The following DPP6 variants were observed in gnomAD, a reference collection of about 807,000 sequenced individuals.
The protein encoded by DPP6 is dipeptidyl peptidase like 6, also known as A-type potassium channel modulatory protein DPP6.
A neutral mutation model predicts 122.6 loss-of-function variants in DPP6; 69 were observed. That is an observed-to-expected ratio of 0.56 (90% CI 0.46 to 0.69). DPP6 has a LOEUF of 0.69. Ranked by LOEUF, DPP6 falls within the 30% of genes least tolerant of loss-of-function variation. The pLI is 0.00. For synonymous variants in DPP6, 418 were observed against 433.1 expected (o/e 0.97, Z 0.43); for missense variants, 928 against 1,116.9 (o/e 0.83, Z 2.41).
At chr7:153,845,730 G>A in the DPP6 span, among the ~76,000 whole-genome samples, 1 of 151,854 alleles carries the variant, frequency 6.6e-6, no homozygotes, top group African/African-American at 2.4e-5. Flanking sequence ...TTCTATTTCT[G>A]TTCTCTTGTG....
chr7:154,624,054 G>T lies in DPP6; in HGVS notation c.628-13767G>T, dbSNP rs1342138767. Among the ~76,000 whole-genome samples, 1 of 152,164 alleles carries T rather than the reference G, an allele frequency of 6.6e-6. No individual in the cohort carries two copies. Among genetic ancestry groups the T allele is most frequent in the Non-Finnish European group, 1.5e-5 (1 of 68,032 alleles). ...ACTAAAAATACAAAAATTAGGCCGG[G>T]TGTAGTGGCTCACGCCAGTAATCCC... is the stretch of plus-strand genomic sequence containing the variant. On this transcript the variant is annotated intron_variant, in intron 5 of 25. Coordinates refer to ENST00000377770, the MANE Select transcript of DPP6 (RefSeq NM_130797.4). This position sits in a 1 kb window ranked among gnomAD's most constrained non-coding sequence, Gnocchi z 4.7.
At chr7:154,883,981 CAT>C (rs1805790168) in intron 21 of DPP6, 1 of 141,684 alleles carries the variant, frequency 7.1e-6, no homozygotes, top group Non-Finnish European at 1.6e-5. Context: ...ATTACATACA[CAT>C]GCTCACACAT....
chr7:154,853,111 CT>C (rs1471828227), intron 16 of DPP6, among the ~76,000 whole-genome samples: 2 of 152,184 alleles, frequency 1.3e-5, no homozygotes, highest in African/African-American at 2.4e-5. Context: ...TTCAGGGAGA[CT>C]TTTTTTCTTT....
chr7:153,817,055 T>C, the DPP6 span, among the ~76,000 whole-genome samples: 1 of 149,808 alleles, frequency 6.7e-6, no homozygotes, highest in African/African-American at 2.5e-5. Context: ...TAGCTTCCAC[T>C]GCTCACCAGG....
intron 1 of DPP6, chr7:154,095,247 G>C (rs928817368): frequency 6.8e-6 from 1 of 148,142 alleles, no homozygotes; most frequent in African/African-American, 2.5e-5. Flanking sequence ...TTAGGAACAG[G>C]GCACCTGCCT....
At chr7:154,103,232 T>C (rs1805882611) in intron 1 of DPP6, among the ~76,000 whole-genome samples, 1 of 152,160 alleles carries the variant, frequency 6.6e-6, no homozygotes, top group South Asian at 2.1e-4. Context: ...CTCTTCCTTC[T>C]GTCCTGTTCC....
the DPP6 span, among the ~76,000 whole-genome samples, chr7:153,755,250 G>A: frequency 6.9e-6 from 1 of 145,826 alleles, no homozygotes; most frequent in East Asian, 2.0e-4. Flanking sequence ...CATGACTCAG[G>A]GGACAACTAG....
chr7:153,876,050 T>C, the DPP6 span, among the ~76,000 whole-genome samples: 1 of 152,086 alleles, frequency 6.6e-6, no homozygotes, highest in South Asian at 2.1e-4. Context: ...CATTTCTAAA[T>C]ATAAATAGTG....
chr7:154,200,226 C>G (rs1799099242), intron 1 of DPP6, among the ~76,000 whole-genome samples: 1 of 151,966 alleles, frequency 6.6e-6, no homozygotes, highest in East Asian at 1.9e-4. Flanking sequence ...GATGCATAAT[C>G]AATGCATATA....
chr7:154,264,791 T>C (rs1803271858), intron 1 of DPP6, among the ~76,000 whole-genome samples: 1 of 133,792 alleles, frequency 7.5e-6, no homozygotes, highest in Non-Finnish European at 1.6e-5. Flanking sequence ...GATGATGGTG[T>C]TGATGCTGGT....
intron 1 of DPP6, among the ~76,000 whole-genome samples, chr7:154,221,402 A>C (rs1800299565): frequency 6.6e-6 from 1 of 152,052 alleles, no homozygotes. Flanking sequence ...CGGCCTCCCA[A>C]AGTGCTGGGA....
the DPP6 span, among the ~76,000 whole-genome samples, chr7:153,854,936 T>C: frequency 6.9e-6 from 1 of 144,874 alleles, no homozygotes; most frequent in African/African-American, 2.6e-5. Context: ...ATGTCCTTTG[T>C]AGGGACATGG....
intron 1 of DPP6, among the ~76,000 whole-genome samples, chr7:154,046,250 T>C (rs528686000): frequency 6.6e-6 from 1 of 152,174 alleles, no homozygotes; most frequent in African/African-American, 2.4e-5. Flanking sequence ...ATCATCAGAG[T>C]GCAGAAGCCA....
intron 6 of DPP6, among the ~76,000 whole-genome samples, chr7:154,648,762 A>T (rs1306879508): frequency 1.3e-5 from 2 of 152,140 alleles, no homozygotes; most frequent in Non-Finnish European, 2.9e-5. Context: ...TACTAAAAAT[A>T]CAAAAATTAG....
chr7:154,569,167 T>C (rs1830956462), intron 5 of DPP6, among the ~76,000 whole-genome samples: 1 of 151,888 alleles, frequency 6.6e-6, no homozygotes, highest in Non-Finnish European at 1.5e-5. Context: ...TCTTCCTAAC[T>C]AGATAAACTA....
chr7:153,910,508 G>C (rs1399111614), intron 1 of DPP6, among the ~76,000 whole-genome samples: 2 of 151,952 alleles, frequency 1.3e-5, no homozygotes, highest in African/African-American at 4.8e-5. Flanking sequence ...TCATTCTTCT[G>C]CCTTTTCCTA....
chr7:153,807,344 A>G, the DPP6 span, among the ~76,000 whole-genome samples: 1 of 151,622 alleles, frequency 6.6e-6, no homozygotes, highest in South Asian at 2.1e-4. Context: ...TGGAGGTTGC[A>G]GTGAGCCGAG....
At chr7:154,313,523 A>G (rs1807091927) in intron 1 of DPP6, among the ~76,000 whole-genome samples, 1 of 151,618 alleles carries the variant, frequency 6.6e-6, no homozygotes, top group South Asian at 2.1e-4. Context: ...AGTGACTTGG[A>G]CATCAAAATT....
intron 1 of DPP6, among the ~76,000 whole-genome samples, chr7:153,964,938 C>CTTTA (rs780703308): frequency 1.6e-5 from 1 of 62,686 alleles, no homozygotes; most frequent in African/African-American, 9.6e-5. Flanking sequence ...TTCTTTCTTT[C>CTTTA]TTTTTCTTTC....
Sources: gnomAD v4.1 joint callset for allele counts (sites outside exome capture counted in the v4.1 genomes callset) on GRCh38, gnomAD v4.1.1 for gene constraint, Gnocchi (gnomAD v3.1) non-coding constraint, MANE v1.5 for transcripts, NCBI Gene and HGNC (gene_info 2026-07-23, HGNC 2026-07-21) for gene names.